The following PCNX1 variants were observed in gnomAD, a reference collection of about 807,000 sequenced individuals.
The protein encoded by PCNX1 is pecanex-like protein 1.
In PCNX1, 78 loss-of-function variants were observed where a neutral mutation model predicts 242.2. The ratio of observed to expected loss-of-function variants is 0.32; its 90% confidence interval spans 0.27 to 0.39. The LOEUF is 0.39. Among genes scored for constraint, PCNX1 ranks in the 10% least tolerant of loss-of-function variants. The pLI is 1.00. For synonymous variants in PCNX1, 1,024 were observed against 1,032.9 expected (o/e 0.99, Z 0.17); for missense variants, 2,581 against 2,856.5 (o/e 0.90, Z 2.20).
chr14:71,047,177 C>A, intron 21 of PCNX1, 72 bp downstream of exon 21: 2 of 911,202 alleles, frequency 2.2e-6, no homozygotes, highest in Non-Finnish European at 3.1e-6. Flanking sequence ...AGTTGTTGAT[C>A]AAATATTAAA....
intron 28 of PCNX1, among the ~76,000 whole-genome samples, chr14:71,087,321 A>G (rs2062019369): frequency 6.6e-6 from 1 of 152,232 alleles, no homozygotes; most frequent in South Asian, 2.1e-4. Context: ...TCTAATTGGC[A>G]AGCAACTAGG....
In PCNX1 at chr14:71,057,595, G is replaced by C; in HGVS notation, c.4723G>C (p.Gly1575Arg). The C allele has an allele frequency of 6.2e-7, 1 of 1,613,656 alleles. No homozygotes were observed. The change falls in exon 26 of 36, where the codon GGA becomes CGA. Residue 1575 changes from glycine to arginine, a missense_variant. Physicochemically the swap from Gly to Arg is moderately radical, Grantham distance 125. Transcript: ENST00000304743. Reference sequence around the variant, plus strand: ...CAGCCTCTGTGGTGATTTGCTACTAGGACGGTGGGGAAACTACAGTACAGG... The same window carrying C: ...CAGCCTCTGTGGTGATTTGCTACTACGACGGTGGGGAAACTACAGTACAGG... ...QHSLCGDLLL[G>R]RWGNYSTGDC...
intron 30 of PCNX1, among the ~76,000 whole-genome samples, chr14:71,098,160 C>T (rs981636054): frequency 6.6e-6 from 1 of 152,128 alleles, no homozygotes; most frequent in African/African-American, 2.4e-5. Flanking sequence ...TGTCTTTTAC[C>T]AGTACCGTGC....
intron 19 of PCNX1, among the ~76,000 whole-genome samples, chr14:71,036,998 C>A (rs868788273): frequency 6.6e-5 from 10 of 151,826 alleles, no homozygotes; most frequent in African/African-American, 2.4e-4. Flanking sequence ...TGAAGAGGTC[C>A]TTCACATCCC....
intron 8 of PCNX1, among the ~76,000 whole-genome samples, chr14:70,998,511 G>A (rs545978236): frequency 1.5e-4 from 23 of 152,054 alleles, no homozygotes; most frequent in African/African-American, 5.5e-4. Flanking sequence ...AGTACTTTGG[G>A]AGGCCAAGAC....
chr14:71,008,655 CAAAAAAAAAAAAAA>C (rs777494885), intron 8 of PCNX1, among the ~76,000 whole-genome samples: 3 of 32,752 alleles, frequency 9.2e-5, no homozygotes, highest in African/African-American at 2.4e-4. Context: ...GACTCTGTCT[CAAAAAAAAAAAAAA>C]AAAAAAAAAA....
At chr14:71,050,194 T>G (rs996175701) in intron 22 of PCNX1, among the ~76,000 whole-genome samples, 2 of 152,284 alleles carry the variant, frequency 1.3e-5, no homozygotes, top group East Asian at 1.9e-4. Context: ...TATTATACTT[T>G]AAGTTTTAGG....
intron 24 of PCNX1, among the ~76,000 whole-genome samples, chr14:71,055,135 A>G (rs975998089): frequency 4.6e-5 from 7 of 152,216 alleles, no homozygotes; most frequent in African/African-American, 1.7e-4. Context: ...ACTGAGCATT[A>G]ATACATACAC....
intron 16 of PCNX1, among the ~76,000 whole-genome samples, chr14:71,029,643 C>T (rs1343891653): frequency 6.6e-6 from 1 of 152,106 alleles, no homozygotes; most frequent in Admixed American, 6.6e-5. Context: ...GGATTAAAGA[C>T]AATTTTCCAG....
chr14:70,991,203 CT>C (rs1393062718), intron 7 of PCNX1, among the ~76,000 whole-genome samples: 37,208 of 123,966 alleles, frequency 0.3, 3,520 homozygotes, highest in Middle Eastern at 0.37. Flanking sequence ...TGTGTACTAC[CT>C]TTTTTTTTTT....
At chr14:70,913,846 A>G (rs756187028) in intron 1 of PCNX1, among the ~76,000 whole-genome samples, 1 of 152,236 alleles carries the variant, frequency 6.6e-6, no homozygotes, top group Non-Finnish European at 1.5e-5. Context: ...AGCAATTTAT[A>G]TTGCTATTGC....
At chr14:70,948,464 C>T (rs1396764132) in intron 2 of PCNX1, among the ~76,000 whole-genome samples, 1 of 152,046 alleles carries the variant, frequency 6.6e-6, no homozygotes, top group Non-Finnish European at 1.5e-5. Context: ...ATGATAGTTA[C>T]TTACACTAGA....
chr14:70,919,288 T>C (rs566789061), intron 1 of PCNX1, among the ~76,000 whole-genome samples: 26 of 152,354 alleles, frequency 1.7e-4, no homozygotes, highest in Non-Finnish European at 3.4e-4. Flanking sequence ...TCAACTTTTT[T>C]AGTCCAAATT....
At chr14:70,940,852 C>T (rs2057210630) in intron 1 of PCNX1, among the ~76,000 whole-genome samples, 1 of 152,100 alleles carries the variant, frequency 6.6e-6, no homozygotes, top group Non-Finnish European at 1.5e-5. Context: ...CTCTAAACTT[C>T]TCTTCTCACT....
At chr14:71,000,033 C>T (rs919115343) in intron 8 of PCNX1, among the ~76,000 whole-genome samples, 1 of 151,880 alleles carries the variant, frequency 6.6e-6, no homozygotes, top group African/African-American at 2.4e-5. Context: ...TTTGCAGCAA[C>T]CTTGATTTTG....
At chr14:70,993,889 A>G (rs2059247564) in intron 7 of PCNX1, among the ~76,000 whole-genome samples, 1 of 152,206 alleles carries the variant, frequency 6.6e-6, no homozygotes, top group African/African-American at 2.4e-5. Flanking sequence ...GTAACAAATT[A>G]TGTATGTATG....
chr14:71,048,049 C>G, intron 22 of PCNX1, 65 bp downstream of exon 22: 1 of 1,139,596 alleles, frequency 8.8e-7, no homozygotes, highest in South Asian at 1.8e-5. Context: ...ATATGCTAGT[C>G]AGAATTTTTC....
rs142975804 is a variant in PCNX1 at position 71,056,366 on chromosome 14, G to A, written c.4636+804G>A. 2.2e-3 allele frequency among the ~76,000 whole-genome samples: 341 copies of A among 152,242 alleles called. 2 individuals carry two copies. The highest frequency in any genetic ancestry group is 7.9e-3 in the African/African-American group (327 of 41,552). On this transcript the variant is annotated intron_variant, in intron 25 of 35. Transcript: ENST00000304743. ...TCAGCTCTGGTATGTGCTTGTAAAG[G>A]GCTAGATTTCTCATGCTGATGATGC... is the stretch of plus-strand genomic sequence containing the variant.
At chr14:71,106,064 AG>A (rs2062609747) in intron 33 of PCNX1, among the ~76,000 whole-genome samples, 1 of 151,780 alleles carries the variant, frequency 6.6e-6, no homozygotes, top group Non-Finnish European at 1.5e-5. Flanking sequence ...CTCAGGCTGG[AG>A]TGCAGTGGTG....
Sources: allele counts gnomAD v4.1 joint callset (sites outside exome capture counted in the v4.1 genomes callset), GRCh38; gene constraint gnomAD v4.1.1; transcripts MANE v1.5; gene names NCBI Gene and HGNC (gene_info 2026-07-23, HGNC 2026-07-21).